Variants in MID2 observed in about 807,000 individuals in gnomAD.
MID2 encodes midline 2, also known as probable E3 ubiquitin-protein ligase MID2.
MID2 carries 13 observed loss-of-function variants against 46.1 expected under a neutral mutation model. That is an observed-to-expected ratio of 0.28 (90% CI 0.18 to 0.45). The LOEUF (loss-of-function observed/expected upper bound fraction) is 0.45, where lower values mean the gene tolerates loss of function less well. Among genes scored for constraint, MID2 ranks in the 20% least tolerant of loss-of-function variants. The pLI, the probability that MID2 is intolerant of heterozygous loss-of-function variation, is 1.00. For missense variants in MID2, 431 were observed against 575.4 expected, an observed-to-expected ratio of 0.75 and a Z score of 2.57; for synonymous variants, 199 against 212.3, an observed-to-expected ratio of 0.94 and a Z score of 0.55.
At chrX:107,891,488 T>C (rs1183901911) in intron 3 of MID2, among the ~76,000 whole-genome samples, 1 of 110,502 alleles carries the variant, frequency 9.0e-6, no homozygotes, top group African/African-American at 3.3e-5. Flanking sequence ...ACCATGTTGG[T>C]CAGGCTGAGC....
rs758037994 is a variant in MID2, at chrX:107,915,993, CT to C, written c.1074-4del. ...TTGATGTATATTGATGTACTTTTCT[CT>C]TTTTCAGGGTCGCTATGGCAACTGC... On this transcript the variant is annotated splice_region_variant and splice_polypyrimidine_tract_variant and intron_variant, in intron 5 of 9. Transcript: ENST00000262843. The C allele has an allele frequency of 2.4e-3, 2,867 of 1,199,732 alleles. 4 individuals are homozygous for C. The highest frequency in any genetic ancestry group is 2.7e-3 in the Non-Finnish European group (2,438 of 891,548).
At chrX:107,826,491 G>A in intron 1 of MID2, 61 bp downstream of exon 1, 1 of 1,101,127 alleles carries the variant, frequency 9.1e-7, no homozygotes. Context: ...CGCAGGGCTA[G>A]TCTCCGGCTC....
chrX:107,884,976 A>G (rs1359836683), intron 3 of MID2, among the ~76,000 whole-genome samples: 1 of 111,969 alleles, frequency 8.9e-6, no homozygotes, highest in Non-Finnish European at 1.9e-5. Context: ...TAATAACTAT[A>G]CAACCATAAC....
intron 5 of MID2, among the ~76,000 whole-genome samples, chrX:107,915,364 C>T (rs971195243): frequency 2.7e-5 from 3 of 111,754 alleles, no homozygotes; most frequent in African/African-American, 9.8e-5. Context: ...TGAGACCAGC[C>T]TGGCCAACTT....
intron 2 of MID2, among the ~76,000 whole-genome samples, chrX:107,845,439 C>T (rs1425313419): frequency 9.3e-6 from 1 of 107,664 alleles, no homozygotes; most frequent in Non-Finnish European, 1.9e-5. Flanking sequence ...TATCAGGGAT[C>T]TTGTTATAAA....
rs1412494581 is a variant in MID2 at position 107,931,111 on chromosome X, A to G, written c.*4038A>G. 8.9e-6 allele frequency among the ~76,000 whole-genome samples: 1 copy of G among 112,385 alleles called. No homozygotes were observed. The highest frequency in any genetic ancestry group is 1.9e-5 in the Non-Finnish European group (1 of 53,263). ...CTGTTCTTTTCGGCTAAAACACTCT[A>G]GGTGAATTTTCTAAACTTCCATGGT... On this transcript the variant is annotated 3_prime_UTR_variant, in exon 10 of 10. Transcript: ENST00000262843.
chrX:107,851,898 T>A (rs201963071), intron 2 of MID2, among the ~76,000 whole-genome samples: 1 of 77,612 alleles, frequency 1.3e-5, no homozygotes, highest in Non-Finnish European at 2.7e-5. Context: ...TTTATTTATT[T>A]ATTATTTTTT....
At position 107,841,274 on chromosome X, in the gene MID2, G is replaced by A; in HGVS notation, c.609G>A (p.Val203=). The A allele has an allele frequency of 8.3e-7, 1 of 1,211,422 alleles. No individual in the cohort carries two copies. The highest frequency in any genetic ancestry group is 1.1e-6 in the Non-Finnish European group (1 of 895,304). The stretch of plus-strand genomic sequence containing the variant: ...GCCTGGACCATGAGAATGAGAAAGT[G>A]AACATGTACTGTGTATCTGATGACC... ...ITCLDHENEK[V]NMYCVSDDQL... is the part of the protein sequence containing the mutation. Residue 203 remains valine, a synonymous_variant, in exon 2 of 10, where the codon GTG becomes GTA. Transcript: ENST00000262843.
intron 2 of MID2, among the ~76,000 whole-genome samples, chrX:107,853,931 C>G (rs148189184): frequency 0.012 from 1,285 of 111,402 alleles, 9 homozygotes; most frequent in African/African-American, 0.04. Flanking sequence ...TTGTAAAATA[C>G]TAGCATCTTC....
rs200944691 is a variant in MID2, at chrX:107,833,411, T to TTATA, written c.4+6997_4+7000dup. 1.5e-3 allele frequency among the ~76,000 whole-genome samples: 137 copies of TTATA among 93,918 alleles called. 1 individual carries two copies. The highest frequency in any genetic ancestry group is 6.4e-3 in the African/African-American group (124 of 19,519). The allele number at this position is 93,918 out of a possible 115,157, so 81.6% of individuals were successfully genotyped here. A position where few individuals can be genotyped will look rare whatever the true frequency, so the allele number is the denominator to read the frequency against. Reference sequence around the variant, plus strand: ...TTTAATATCCTGAAGAATGTTTATTTTATATATATATATATATATTTTTTT... The same window carrying TTATA: ...TTTAATATCCTGAAGAATGTTTATTTTATATATATATATATATATATATTTTTTT... On this transcript the variant is annotated intron_variant, in intron 1 of 9. Transcript: ENST00000262843.
chrX:107,837,597 C>CA lies in MID2; in HGVS notation c.5-3059dup, dbSNP rs750057009. Among the ~76,000 whole-genome samples the CA allele has an allele frequency of 8.1e-3, 659 of 81,434 alleles. 1 individual carries two copies. The highest frequency in any genetic ancestry group is 0.013 in the African/African-American group (300 of 22,580). 70.7% of individuals were successfully genotyped at this position (81,434 alleles called of 115,157 possible). ...TACCAAAGTAAAGATTTCCAGAATT[C>CA]AAAAAAAAAAAAAACTGTCTTGTAA... On this transcript the variant is annotated intron_variant, in intron 1 of 9. Transcript: ENST00000262843.
intron 1 of MID2, among the ~76,000 whole-genome samples, chrX:107,836,114 G>A (rs1054323687): frequency 8.9e-6 from 1 of 112,282 alleles, no homozygotes; most frequent in Non-Finnish European, 1.9e-5. Flanking sequence ...TTGTTGAAAA[G>A]AGTATTCTTT....
chrX:107,867,479 AAGTTTAT>A (rs1167902669), intron 3 of MID2, among the ~76,000 whole-genome samples: 3 of 111,026 alleles, frequency 2.7e-5, no homozygotes, highest in Non-Finnish European at 5.7e-5. Context: ...GTTTTTTAAA[AAGTTTAT>A]ACTGCCCCTC....
In MID2 at chrX:107,931,200, A is replaced by G. The variant is rs1479897426; in HGVS notation, c.*4127A>G. Among the ~76,000 whole-genome samples, 4 of 112,301 alleles carry G rather than the reference A, an allele frequency of 3.6e-5. No individual in the cohort carries two copies. The highest frequency in any genetic ancestry group is 9.7e-5 in the African/African-American group (3 of 30,934). ...ACGGATGGACTTTTGAATAAACTCA[A>G]ATATTTGATACTGCTTCCTCCAAGG... On this transcript the variant is annotated 3_prime_UTR_variant, in exon 10 of 10. Transcript: ENST00000262843.
chrX:107,895,658 A>G (rs2147858118), intron 3 of MID2: 1 of 112,292 alleles, frequency 8.9e-6, no homozygotes, highest in South Asian at 3.7e-4. Flanking sequence ...TTTTGTGTGG[A>G]CATAAATGTT....
intron 3 of MID2, among the ~76,000 whole-genome samples, chrX:107,890,531 G>T (rs1569467941): frequency 1.8e-5 from 2 of 112,042 alleles, no homozygotes; most frequent in South Asian, 3.8e-4. Flanking sequence ...TGCCCCTACT[G>T]GGGGGTGCCT....
intron 7 of MID2, among the ~76,000 whole-genome samples, chrX:107,921,942 T>C (rs1933081361): frequency 9.0e-6 from 1 of 111,512 alleles, no homozygotes; most frequent in Admixed American, 9.5e-5. Flanking sequence ...TGGTTTCTTT[T>C]AGTGGGACAA....
At chrX:107,917,807 G>T in intron 7 of MID2, 68 bp downstream of exon 7, 1 of 972,202 alleles carries the variant, frequency 1.0e-6, no homozygotes, top group South Asian at 2.2e-5. Context: ...GCTCCCCAGG[G>T]CATTGCAAAG....
chrX:107,924,283 G>A, intron 7 of MID2, 60 bp from the exon 8 acceptor site: 1 of 1,102,479 alleles, frequency 9.1e-7, no homozygotes, highest in African/African-American at 1.8e-5. Context: ...TTTTCAGTGT[G>A]TTTTTCATTC....
Sources: gnomAD v4.1 joint callset for allele counts (sites outside exome capture counted in the v4.1 genomes callset) on GRCh38, gnomAD v4.1.1 for gene constraint, MANE v1.5 for transcripts, NCBI Gene and HGNC (gene_info 2026-07-23, HGNC 2026-07-21) for gene names.